The following ATPAF2 variants were observed in gnomAD, a reference collection of about 807,000 sequenced individuals.
ATPAF2 encodes the protein ATP synthase mitochondrial F1 complex assembly factor 2.
A neutral mutation model predicts 36.6 loss-of-function variants in ATPAF2; 30 were observed. The ratio of observed to expected loss-of-function variants is 0.82; its 90% CI spans 0.61 to 1.11. The LOEUF is 1.11. Among genes scored for constraint, ATPAF2 ranks in the 50% most tolerant of loss-of-function variants. ATPAF2 has a pLI of 0.00. For missense variants in ATPAF2, 321 were observed against 372.3 expected, an observed-to-expected ratio of 0.86 and a Z score of 1.13; for synonymous variants, 140 against 152.6, an observed-to-expected ratio of 0.92 and a Z score of 0.61.
At chr17:18,038,844 C>G (rs894028356) in intron 1 of ATPAF2, 37 bp downstream of exon 1, 12 of 1,611,210 alleles carry the variant, frequency 7.4e-6, no homozygotes, top group East Asian at 2.2e-5. Context: ...CTTACCCCAG[C>G]TCGGCCCCAA....
intron 2 of ATPAF2, 65 bp from the exon 3 acceptor site, chr17:18,028,442 T>C: frequency 6.3e-7 from 1 of 1,596,472 alleles, no homozygotes; most frequent in South Asian, 1.1e-5. Flanking sequence ...CATTCCTATA[T>C]TTAGCCACTT....
intron 3 of ATPAF2, among the ~76,000 whole-genome samples, chr17:18,027,324 T>C (rs1277794559): frequency 6.6e-6 from 1 of 151,686 alleles, no homozygotes; most frequent in African/African-American, 2.4e-5. Flanking sequence ...TTCACTAGGT[T>C]GTCAAGGACC....
intron 1 of ATPAF2, among the ~76,000 whole-genome samples, chr17:18,037,181 T>G (rs2044714370): frequency 6.6e-6 from 1 of 152,252 alleles, no homozygotes; most frequent in Non-Finnish European, 1.5e-5. Context: ...TGGGATGCCC[T>G]TCCTTTCTCT....
intron 1 of ATPAF2, among the ~76,000 whole-genome samples, chr17:18,036,253 A>C (rs532575095): frequency 6.6e-6 from 1 of 151,880 alleles, no homozygotes; most frequent in African/African-American, 2.4e-5. Context: ...CAAATATCTC[A>C]CAACTGGTAA....
In ATPAF2 at chr17:18,021,378, G is replaced by A. The variant is rs2044466943; in HGVS notation, c.617-140C>T. 3 of 740,952 alleles carry A rather than the reference G, an allele frequency of 4.0e-6. No individual in the cohort carries two copies. In the South Asian group the frequency reaches 4.5e-5, roughly 11 times the overall value. The allele number at this position is 740,952 out of a possible 1,614,324, so 45.9% of individuals were successfully genotyped here. A position where few individuals can be genotyped will look rare whatever the true frequency, so the allele number is the denominator to read the frequency against. Reference sequence around the variant, plus strand: ...CAGCGATTGTCCCACTCTTCTGAAAGAGCACTCTGGTCTTCCCTGGGGGTG... The same window carrying A: ...CAGCGATTGTCCCACTCTTCTGAAAAAGCACTCTGGTCTTCCCTGGGGGTG... On this transcript the variant is annotated intron_variant, in intron 6 of 7. Coordinates refer to ENST00000474627, the MANE Select transcript of ATPAF2 (RefSeq NM_145691.4).
downstream of ATPAF2, chr17:18,016,799 A>T (rs1365138292): frequency 1.3e-5 from 7 of 523,658 alleles, no homozygotes; most frequent in South Asian, 2.8e-5. Flanking sequence ...CCCCAACACC[A>T]TTCTTCCCCC....
chr17:18,015,823 T>A, downstream of ATPAF2: 1 of 447,442 alleles, frequency 2.2e-6, no homozygotes, highest in South Asian at 3.3e-5. Context: ...CAGCGGGGAC[T>A]GCAAAGTAAC....
intron 5 of ATPAF2, among the ~76,000 whole-genome samples, 167 bp downstream of exon 5, chr17:18,024,457 G>A (rs1309372145): frequency 1.3e-5 from 2 of 152,038 alleles, no homozygotes; most frequent in African/African-American, 4.8e-5. Context: ...TTTTTCCCAG[G>A]ATGACCCTAT....
At chr17:18,026,744 G>T (rs989278415) in intron 3 of ATPAF2, 3 of 422,588 alleles carry the variant, frequency 7.1e-6, no homozygotes, top group Admixed American at 7.3e-5. Context: ...TTTTGGAGTA[G>T]GTACTATTAT....
At chr17:18,028,797 A>T in intron 1 of ATPAF2, 138 bp from the exon 2 acceptor site, 1 of 826,236 alleles carries the variant, frequency 1.2e-6, no homozygotes, top group Non-Finnish European at 2.1e-6. Flanking sequence ...GGTCTGCCCT[A>T]CTCAACACGG....
At chr17:18,019,944 T>C (rs2044445373) in intron 7 of ATPAF2, among the ~76,000 whole-genome samples, 1 of 152,184 alleles carries the variant, frequency 6.6e-6, no homozygotes, top group Non-Finnish European at 1.5e-5. Flanking sequence ...CAGACTGGCT[T>C]CCCACCAGCC....
downstream of ATPAF2, among the ~76,000 whole-genome samples, chr17:18,017,171 C>CA (rs59274380): frequency 0.029 from 1,246 of 43,634 alleles, 369 homozygotes; most frequent in African/African-American, 0.038. Context: ...GACTTCGTCT[C>CA]AAAAAAAAAA....
chr17:18,035,254 A>C (rs541911231), intron 1 of ATPAF2, among the ~76,000 whole-genome samples: 1 of 152,134 alleles, frequency 6.6e-6, no homozygotes, highest in Non-Finnish European at 1.5e-5. Context: ...AACAAAAAAA[A>C]CCCAAACTTT....
chr17:18,035,662 A>G (rs569769992), intron 1 of ATPAF2, among the ~76,000 whole-genome samples: 7 of 152,368 alleles, frequency 4.6e-5, no homozygotes, highest in Admixed American at 2.0e-4. Flanking sequence ...ATCTGTTCCA[A>G]CTATTCAACT....
At chr17:18,027,885 T>C in intron 3 of ATPAF2, 1 of 341,688 alleles carries the variant, frequency 2.9e-6, no homozygotes, top group East Asian at 6.8e-5. Flanking sequence ...AGACAATAAA[T>C]GTGCAAACAT....
At position 18,018,490 on chromosome 17, in the gene ATPAF2, A is replaced by G. The variant is rs1486397650; in HGVS notation, c.*59T>C. ...AGCCCCACAGGCTGGGGAGCCCTGA[A>G]GGCCGGGGGAGCTGTGGCTGCACTG... On this transcript the variant is annotated 3_prime_UTR_variant, in exon 8 of 8. Transcript: ENST00000474627. 88 of 1,606,152 alleles carry G rather than the reference A, an allele frequency of 5.5e-5. No individual in the cohort carries two copies. The highest frequency in any genetic ancestry group is 7.4e-5 in the Non-Finnish European group (87 of 1,179,562).
Position 18,038,987 on chromosome 17 carries a change from C to T in ATPAF2, c.27G>A (p.Arg9=). The T allele has an allele frequency of 6.2e-7, 1 of 1,611,358 alleles. No homozygotes were observed. The highest frequency in any genetic ancestry group is 8.5e-7 in the Non-Finnish European group (1 of 1,178,806). ...GATTCAGGAGACGGCGTCCCCCGTC[C>T]CGCAGCCGGAGGCAGCTCCTCCACA... MWRSCLRL[R]DGGRRLLNRP... is the part of the protein sequence containing the mutation. The change falls in exon 1 of 8, where the codon CGG becomes CGA. Residue 9 remains arginine (R), a synonymous_variant. Transcript: ENST00000474627.
At chr17:18,028,186 C>T (rs772296337) in intron 3 of ATPAF2, 46 bp downstream of exon 3, 1 of 1,613,834 alleles carries the variant, frequency 6.2e-7, no homozygotes, top group Non-Finnish European at 8.5e-7. Context: ...CCCTACGAAG[C>T]CCTGGGTGGG....
intron 1 of ATPAF2, among the ~76,000 whole-genome samples, chr17:18,034,100 C>G (rs961471098): frequency 2.0e-5 from 3 of 151,928 alleles, no homozygotes; most frequent in African/African-American, 7.3e-5. Flanking sequence ...GCCTAGGCAA[C>G]AGACCGAGGC....
Sources: gnomAD v4.1 joint callset for allele counts (sites outside exome capture counted in the v4.1 genomes callset) on GRCh38, gnomAD v4.1.1 for gene constraint, MANE v1.5 for transcripts, NCBI Gene and HGNC (gene_info 2026-07-23, HGNC 2026-07-21) for gene names.